Variants in MROH2B observed in about 807,000 individuals in gnomAD.
MROH2B encodes maestro heat-like repeat-containing protein family member 2B.
Under a neutral mutation model 208.6 loss-of-function variants are expected in MROH2B, and 177 were observed. That is an observed-to-expected ratio of 0.85 (90% CI 0.75 to 0.96). The LOEUF is 0.96. Among genes scored for constraint, MROH2B ranks in the 40% least tolerant of loss-of-function variants. The pLI, the probability that MROH2B is intolerant of heterozygous loss-of-function variation, is 0.00. For missense variants in MROH2B, 2,002 were observed against 1,878.7 expected, an observed-to-expected ratio of 1.07 and a Z score of -1.21; for synonymous variants, 728 against 659.0, an observed-to-expected ratio of 1.10 and a Z score of -1.60.
intron 4 of MROH2B, 43 bp downstream of exon 4, chr5:41,065,288 G>A (rs192463622): frequency 6.4e-7 from 1 of 1,558,618 alleles, no homozygotes; most frequent in Non-Finnish European, 8.7e-7. Context: ...ACAATTAGAA[G>A]TTGTCATTTC....
chr5:41,070,418 G>A (rs1478020346), intron 1 of MROH2B, among the ~76,000 whole-genome samples: 1 of 152,152 alleles, frequency 6.6e-6, no homozygotes, highest in African/African-American at 2.4e-5. Context: ...TTTTGGAGAT[G>A]AAGATTTCTT....
chr5:41,016,496 A>ATTTTT (rs1380488919), intron 28 of MROH2B, among the ~76,000 whole-genome samples: 1 of 59,648 alleles, frequency 1.7e-5, no homozygotes, highest in Non-Finnish European at 3.5e-5. Context: ...TACTACTGTA[A>ATTTTT]TGTTTTTTTT....
chr5:41,014,034 TC>T (rs1163146129), intron 29 of MROH2B, among the ~76,000 whole-genome samples: 1 of 152,190 alleles, frequency 6.6e-6, no homozygotes, highest in Non-Finnish European at 1.5e-5. Context: ...GTTGTGTTTT[TC>T]CTCTCAGAAC....
At chr5:41,027,054 C>G (rs898298832) in intron 24 of MROH2B, among the ~76,000 whole-genome samples, 2 of 152,196 alleles carry the variant, frequency 1.3e-5, no homozygotes, top group Non-Finnish European at 2.9e-5. Flanking sequence ...GGATTAAAGA[C>G]TTAAATGCTA....
At position 41,025,707 on chromosome 5, in the gene MROH2B, C is replaced by T. The variant is rs529958290; in HGVS notation, c.2442-6689G>A. Reference sequence around the variant, plus strand: ...TTATGAGGCCAGCATCATCCTGATACCAAAGCCTGGCAGAGACACAACAAA... The same window carrying T: ...TTATGAGGCCAGCATCATCCTGATATCAAAGCCTGGCAGAGACACAACAAA... On this transcript the variant is annotated intron_variant, in intron 24 of 41. Coordinates refer to ENST00000399564, the MANE Select transcript of MROH2B (RefSeq NM_173489.5). Among the ~76,000 whole-genome samples, 284 of 152,210 alleles carry T rather than the reference C, an allele frequency of 1.9e-3. 1 individual carries two copies. The highest frequency in any genetic ancestry group is 6.0e-3 in the African/African-American group (251 of 41,538).
At chr5:41,061,951 T>A (rs774375122) in intron 5 of MROH2B, among the ~76,000 whole-genome samples, 3 of 148,852 alleles carry the variant, frequency 2.0e-5, no homozygotes, top group Non-Finnish European at 4.4e-5. Flanking sequence ...TTTAAGATAG[T>A]CAATGCCAAG....
At chr5:41,051,635 T>C (rs1217488697) in intron 12 of MROH2B, 1 of 152,212 alleles carries the variant, frequency 6.6e-6, no homozygotes, top group East Asian at 1.9e-4. Flanking sequence ...CCCTAGTGTT[T>C]GGAATTCATG....
chr5:41,036,770 C>A (rs1170689162), intron 21 of MROH2B, among the ~76,000 whole-genome samples: 1 of 151,994 alleles, frequency 6.6e-6, no homozygotes, highest in Non-Finnish European at 1.5e-5. Context: ...TGCACGTGTA[C>A]CTCCTGTATC....
Position 41,057,153 on chromosome 5 carries a change from A to G in MROH2B, c.875T>C (p.Val292Ala), listed in dbSNP as rs1743481403. ...QQICRAPEPPVKENEMKASSC... is the reference protein window; with the variant it reads ...QQICRAPEPPAKENEMKASSC... ...TGAAGCTTTCATTTCATTTTCCTTT[A>G]CTGGAGGCTCTGGAGCTCTGCAGAT... is the stretch of plus-strand genomic sequence containing the variant. The change falls in exon 9 of 42, where the codon GTA becomes GCA. Residue 292 changes from valine (V) to alanine (A), a missense_variant. Physicochemically the swap from Val to Ala is moderately conservative, Grantham distance 64. Transcript: ENST00000399564. 2 of 1,613,834 alleles carry G rather than the reference A, an allele frequency of 1.2e-6. No individual in the cohort carries two copies. Among genetic ancestry groups the G allele is most frequent in the Non-Finnish European group, 8.5e-7 (1 of 1,179,866 alleles).
chr5:41,008,699 C>G lies in MROH2B; in HGVS notation c.3515G>C (p.Cys1172Ser). Reference sequence around the variant, plus strand: ...AGTGAGCATCTTCTGGCCCAGTGTGCAGCTAACCAGCTTCAGGAGGAGAGT... The same window carrying G: ...AGTGAGCATCTTCTGGCCCAGTGTGGAGCTAACCAGCTTCAGGAGGAGAGT... ...LFTLLLKLVS[C>S]TLGQKMLTCP... Residue 1172 changes from cysteine (C) to serine (S), a missense_variant, in exon 33 of 42, where the codon TGC (cysteine) becomes TCC (serine). Physicochemically the swap from Cys to Ser is moderately radical, Grantham distance 112. Transcript: ENST00000399564. 1 of 1,613,886 alleles carries G rather than the reference C, an allele frequency of 6.2e-7. No individual in the cohort carries two copies. The highest frequency in any genetic ancestry group is 2.2e-5 in the East Asian group (1 of 44,876).
At chr5:41,034,615 AT>A (rs199572331) in intron 21 of MROH2B, among the ~76,000 whole-genome samples, 54 of 152,030 alleles carry the variant, frequency 3.6e-4, no homozygotes, top group African/African-American at 1.1e-3. Flanking sequence ...GTAAAATGCC[AT>A]TTTTTTGGGT....
chr5:41,050,942 A>G, intron 13 of MROH2B, 35 bp downstream of exon 13: 1 of 1,382,124 alleles, frequency 7.2e-7, no homozygotes, highest in Non-Finnish European at 9.9e-7. Context: ...GAAGGTGATC[A>G]AAGTAACTGT....
intron 24 of MROH2B, among the ~76,000 whole-genome samples, chr5:41,024,657 A>T (rs1742285523): frequency 6.6e-6 from 1 of 152,198 alleles, no homozygotes; most frequent in South Asian, 2.1e-4. Context: ...ATATCCAGGA[A>T]TTGAACTCAG....
chr5:41,047,356 G>C (rs1743153592), intron 17 of MROH2B, among the ~76,000 whole-genome samples: 1 of 152,140 alleles, frequency 6.6e-6, no homozygotes, highest in Admixed American at 6.5e-5. Flanking sequence ...GTTGTGTTTA[G>C]GGGCATGGAA....
At chr5:41,064,221 T>C (rs935018716) in intron 5 of MROH2B, among the ~76,000 whole-genome samples, 3 of 152,198 alleles carry the variant, frequency 2.0e-5, no homozygotes, top group African/African-American at 7.2e-5. Flanking sequence ...GAAAATTCTT[T>C]ACTTTCCTTG....
intron 38 of MROH2B, 47 bp downstream of exon 38, chr5:41,000,631 A>G: frequency 6.4e-7 from 1 of 1,562,912 alleles, no homozygotes; most frequent in South Asian, 1.3e-5. Context: ...GGTACTTCTC[A>G]GCCATGGGGA....
At position 41,056,955 on chromosome 5, in the gene MROH2B, AG is replaced by A. The variant is rs1371167948; in HGVS notation, c.919+153del. 11 of 753,594 alleles carry A rather than the reference AG, an allele frequency of 1.5e-5. No homozygotes were observed. In the Admixed American group the frequency reaches 2.6e-4, roughly 18 times the overall value. The allele number at this position is 753,594 out of a possible 1,614,324, so 46.7% of individuals were successfully genotyped here. On this transcript the variant is annotated intron_variant, in intron 9 of 41. Transcript: ENST00000399564. The stretch of plus-strand genomic sequence containing the variant: ...GCTCCTCCTGGGAACTTGTGGGGAG[AG>A]GGGCAGGCACAGAAAACTGTGAGCT...
At chr5:41,049,526 A>G in intron 13 of MROH2B, 90 bp from the exon 14 acceptor site, 11 of 1,453,856 alleles carry the variant, frequency 7.6e-6, no homozygotes, top group Non-Finnish European at 1.0e-5. Flanking sequence ...CTGATTTAGA[A>G]GCTTTTCTCC....
At chr5:41,064,709 T>C in intron 4 of MROH2B, 139 bp from the exon 5 acceptor site, 1 of 578,436 alleles carries the variant, frequency 1.7e-6, no homozygotes, top group Non-Finnish European at 3.1e-6. Context: ...TTTCTATAAT[T>C]CCGCCATCTC....
Sources: gnomAD v4.1 joint callset for allele counts (sites outside exome capture counted in the v4.1 genomes callset) on GRCh38, gnomAD v4.1.1 for gene constraint, MANE v1.5 for transcripts, NCBI Gene and HGNC (gene_info 2026-07-23, HGNC 2026-07-21) for gene names.